Variants in DCLK1 observed in about 807,000 individuals in gnomAD.
DCLK1 encodes the protein doublecortin like kinase 1.
DCLK1 carries 16 observed loss-of-function variants against 86.2 expected under a neutral mutation model. That is an observed-to-expected ratio of 0.19 (90% CI 0.13 to 0.28). The LOEUF is 0.28. Among genes scored for constraint, DCLK1 ranks in the 10% least tolerant of loss-of-function variants. DCLK1 has a pLI of 1.00. For missense variants in DCLK1, 590 were observed against 940.2 expected, an observed-to-expected ratio of 0.63 and a Z score of 4.87; for synonymous variants, 369 against 370.5, an observed-to-expected ratio of 1.00 and a Z score of 0.05.
chr13:36,006,056 C>T (rs1880938355), intron 3 of DCLK1, among the ~76,000 whole-genome samples: 1 of 152,054 alleles, frequency 6.6e-6, no homozygotes, highest in South Asian at 2.1e-4. Context: ...AGGACAAATA[C>T]CTAATGCATG....
At chr13:36,070,252 A>AG (rs1883919915) in intron 3 of DCLK1, among the ~76,000 whole-genome samples, 1 of 152,224 alleles carries the variant, frequency 6.6e-6, no homozygotes, top group Non-Finnish European at 1.5e-5. Context: ...CTTTTTAACA[A>AG]GGACGTAATA....
chr13:36,125,588 A>T (rs546974430), intron 2 of DCLK1, among the ~76,000 whole-genome samples, 174 bp downstream of exon 2: 34 of 152,170 alleles, frequency 2.2e-4, no homozygotes, highest in Middle Eastern at 6.8e-3. Context: ...AATACCATTA[A>T]TTTTTTTTCC....
At chr13:35,807,016 A>G (rs1283685158) in intron 14 of DCLK1, among the ~76,000 whole-genome samples, 1 of 152,222 alleles carries the variant, frequency 6.6e-6, no homozygotes, top group East Asian at 1.9e-4. Flanking sequence ...AGGCATAAAC[A>G]TTGAGCAATC....
chr13:35,802,922 C>G (rs1214129977), intron 15 of DCLK1, among the ~76,000 whole-genome samples: 1 of 152,182 alleles, frequency 6.6e-6, no homozygotes, highest in African/African-American at 2.4e-5. Context: ...GCCTCTTCCT[C>G]CCCGCACAGC....
chr13:36,055,709 T>A (rs1883279297), intron 3 of DCLK1, among the ~76,000 whole-genome samples: 1 of 152,194 alleles, frequency 6.6e-6, no homozygotes, highest in African/African-American at 2.4e-5. Context: ...TTTTTAAAAC[T>A]TCATTCTAAC....
At chr13:35,883,674 AT>A (rs1173996976) in intron 4 of DCLK1, among the ~76,000 whole-genome samples, 2 of 152,168 alleles carry the variant, frequency 1.3e-5, no homozygotes, top group Non-Finnish European at 2.9e-5. Context: ...TAGAGGAAAC[AT>A]TGCAAAGTGG....
intron 4 of DCLK1, among the ~76,000 whole-genome samples, chr13:35,926,497 A>G (rs1460932290): frequency 6.6e-6 from 1 of 152,230 alleles, no homozygotes; most frequent in Non-Finnish European, 1.5e-5. Context: ...TTTGCTAAGC[A>G]TTGCTGCTGA....
intron 16 of DCLK1, among the ~76,000 whole-genome samples, chr13:35,788,608 A>G (rs1052834081): frequency 2.0e-5 from 3 of 152,234 alleles, no homozygotes; most frequent in African/African-American, 7.2e-5. Flanking sequence ...ATGCTTCACA[A>G]TTCAATAAAG....
chr13:36,047,481 G>A (rs939102928), intron 3 of DCLK1, among the ~76,000 whole-genome samples: 1 of 152,124 alleles, frequency 6.6e-6, no homozygotes, highest in Non-Finnish European at 1.5e-5. Context: ...ATATCTGCAT[G>A]TACACAATGG....
chr13:35,948,278 T>G (rs948282631), intron 3 of DCLK1, among the ~76,000 whole-genome samples: 1 of 152,220 alleles, frequency 6.6e-6, no homozygotes, highest in African/African-American at 2.4e-5. Context: ...CTAGGAACAC[T>G]GCTGATTTTT....
Position 35,991,382 on chromosome 13 carries a change from C to G in DCLK1, c.724-43925G>C, listed in dbSNP as rs116355954. On this transcript the variant is annotated intron_variant, in intron 3 of 16. Coordinates refer to ENST00000360631, the MANE Select transcript of DCLK1 (RefSeq NM_001330071.2). ...ACTCCTGTGTCATTTAGATTAAAGG[C>G]CAGATGTGGTGGCTCACATCTGTAA... is the stretch of plus-strand genomic sequence containing the variant. 1.8e-3 allele frequency among the ~76,000 whole-genome samples: 272 copies of G among 152,174 alleles called. 1 individual carries two copies. The highest frequency in any genetic ancestry group is 6.2e-3 in the African/African-American group (259 of 41,526).
intron 4 of DCLK1, among the ~76,000 whole-genome samples, chr13:35,879,851 G>GCCT (rs1283068832): frequency 1.3e-5 from 2 of 151,964 alleles, no homozygotes; most frequent in Non-Finnish European, 2.9e-5. Context: ...GGTGTCCTTG[G>GCCT]CCTCACCCAC....
At chr13:35,898,540 G>T (rs1593712382) in intron 4 of DCLK1, among the ~76,000 whole-genome samples, 1 of 152,150 alleles carries the variant, frequency 6.6e-6, no homozygotes, top group Admixed American at 6.6e-5. Flanking sequence ...AGGCATATTT[G>T]CAACAACATT....
At chr13:35,796,113 CAG>C (rs1330153301) in intron 15 of DCLK1, among the ~76,000 whole-genome samples, 1 of 152,052 alleles carries the variant, frequency 6.6e-6, no homozygotes, top group Non-Finnish European at 1.5e-5. Context: ...CATGTCTTGG[CAG>C]AGTGTCGGGT....
At chr13:35,867,734 A>G (rs1871894865) in intron 5 of DCLK1, among the ~76,000 whole-genome samples, 1 of 152,018 alleles carries the variant, frequency 6.6e-6, no homozygotes, top group African/African-American at 2.4e-5. Flanking sequence ...TAATTATAAA[A>G]TGAAATTATT....
chr13:35,846,834 A>G (rs995312448), intron 6 of DCLK1: 15 of 985,052 alleles, frequency 1.5e-5, no homozygotes, highest in Non-Finnish European at 1.7e-5. Context: ...GTATATATTT[A>G]TGTAGATATA....
intron 4 of DCLK1, among the ~76,000 whole-genome samples, chr13:35,902,321 A>G (rs148472937): frequency 7.5e-4 from 114 of 152,280 alleles, no homozygotes; most frequent in African/African-American, 2.6e-3. Context: ...TGGTGATTCT[A>G]TTTCTTTGCC....
At chr13:36,069,223 C>T (rs1883878635) in intron 3 of DCLK1, among the ~76,000 whole-genome samples, 1 of 151,318 alleles carries the variant, frequency 6.6e-6, no homozygotes, top group Non-Finnish European at 1.5e-5. Context: ...AAATATTATT[C>T]TGAACTCTAT....
intron 3 of DCLK1, among the ~76,000 whole-genome samples, chr13:36,013,582 C>G (rs1432285427): frequency 6.6e-6 from 1 of 152,114 alleles, no homozygotes; most frequent in African/African-American, 2.4e-5. Context: ...GCAGTCTGCC[C>G]GTTCTCAGAT....
Sources: gnomAD v4.1 joint callset for allele counts (sites outside exome capture counted in the v4.1 genomes callset) on GRCh38, gnomAD v4.1.1 for gene constraint, MANE v1.5 for transcripts, NCBI Gene and HGNC (gene_info 2026-07-23, HGNC 2026-07-21) for gene names.